The following ZNF521 variants were observed in gnomAD, a reference collection of about 807,000 sequenced individuals.
ZNF521 encodes zinc finger protein 521.
Under a neutral mutation model 105.5 loss-of-function variants are expected in ZNF521, and 14 were observed. The ratio of observed to expected loss-of-function variants is 0.13; its 90% CI spans 0.09 to 0.21. ZNF521 has a LOEUF of 0.21. Ranked by LOEUF, ZNF521 falls within the 10% of genes least tolerant of loss-of-function variation. ZNF521 has a pLI of 1.00. For missense variants in ZNF521, 1,233 were observed against 1,629.7 expected, an observed-to-expected ratio of 0.76 and a Z score of 4.19; for synonymous variants, 635 against 606.0, an observed-to-expected ratio of 1.05 and a Z score of -0.70.
At chr18:25,095,486 T>C (rs2033832695) in intron 5 of ZNF521, among the ~76,000 whole-genome samples, 2 of 152,192 alleles carry the variant, frequency 1.3e-5, no homozygotes, top group East Asian at 1.9e-4. Context: ...TATTTTTTAA[T>C]TAAGAATTAT....
chr18:25,342,669 C>G (rs1431998892), intron 2 of ZNF521, among the ~76,000 whole-genome samples: 1 of 151,996 alleles, frequency 6.6e-6, no homozygotes, highest in Non-Finnish European at 1.5e-5. Flanking sequence ...ACCTCGTGAT[C>G]CGCCCGCCTC....
Position 25,100,012 on chromosome 18 carries a change from C to T in ZNF521, c.3659-7931G>A, listed in dbSNP as rs546049536. On this transcript the variant is annotated intron_variant, in intron 5 of 7. Coordinates refer to ENST00000361524, the MANE Select transcript of ZNF521 (RefSeq NM_015461.3). ...CGCAACACAAGCCATGTGCTGGACA[C>T]GGCACTCATCAGGCATGTTTTCCTG... 6.6e-5 allele frequency among the ~76,000 whole-genome samples: 10 copies of T among 152,192 alleles called. No homozygotes were observed. In the South Asian group the frequency reaches 1.2e-3, roughly 19 times the overall value.
rs147979465 is a variant in ZNF521 at position 25,194,470 on chromosome 18, G to C, written c.3658+690C>G. 2.0e-4 allele frequency among the ~76,000 whole-genome samples: 30 copies of C among 151,656 alleles called. 1 individual carries two copies. The East Asian group carries it at 5.4e-3, about 27-fold the overall frequency. ...ATCCATGAGGAATTAAGAAATAATG[G>C]GACAATATGAATAAGTTAAAAAAAT... On this transcript the variant is annotated intron_variant, in intron 5 of 7. Transcript: ENST00000361524.
chr18:25,223,733 A>G (rs1244907483), intron 4 of ZNF521, among the ~76,000 whole-genome samples: 2 of 151,928 alleles, frequency 1.3e-5, no homozygotes, highest in African/African-American at 2.4e-5. Flanking sequence ...CCCAGAGAGT[A>G]GGCCTCAAAC....
At chr18:25,317,049 G>C (rs1912674008) in intron 3 of ZNF521, among the ~76,000 whole-genome samples, 1 of 151,868 alleles carries the variant, frequency 6.6e-6, no homozygotes, top group South Asian at 2.1e-4. Flanking sequence ...TAGAGACGGG[G>C]TTTCACCATT....
At chr18:25,211,309 T>C (rs1335957253) in intron 4 of ZNF521, among the ~76,000 whole-genome samples, 1 of 152,172 alleles carries the variant, frequency 6.6e-6, no homozygotes, top group Non-Finnish European at 1.5e-5. Flanking sequence ...GTTCTGAGTT[T>C]TGGGAGTTTT....
rs143164903 is a variant in ZNF521, at chr18:25,241,678, C to T, written c.221-13981G>A. Among the ~76,000 whole-genome samples, 154 of 152,230 alleles carry T rather than the reference C, an allele frequency of 1.0e-3. 1 individual carries two copies. The East Asian group carries it at 0.018, about 18-fold the overall frequency. On this transcript the variant is annotated intron_variant, in intron 3 of 7. Coordinates refer to ENST00000361524, the MANE Select transcript of ZNF521 (RefSeq NM_015461.3). ...GTAAGTCAAGGCTATTAAAACATCA[C>T]ATTTATCTTTGTTATAATGAGGGGG...
intron 4 of ZNF521, chr18:25,201,322 T>G (rs2035989283): frequency 6.6e-6 from 1 of 152,172 alleles, no homozygotes; most frequent in African/African-American, 2.4e-5. Flanking sequence ...TTTTTCCCAG[T>G]CTCTTGCTGT....
intron 3 of ZNF521, among the ~76,000 whole-genome samples, chr18:25,238,814 T>C (rs1465409361): frequency 6.6e-6 from 1 of 152,154 alleles, no homozygotes; most frequent in African/African-American, 2.4e-5. Context: ...GAACTGCCTG[T>C]TTAAAATGCA....
At chr18:25,190,071 T>A (rs1019619725) in intron 5 of ZNF521, among the ~76,000 whole-genome samples, 3 of 152,154 alleles carry the variant, frequency 2.0e-5, no homozygotes, top group African/African-American at 7.2e-5. Context: ...AGAAACCCTT[T>A]ATGGGCTTTT....
intron 5 of ZNF521, among the ~76,000 whole-genome samples, chr18:25,103,240 T>C (rs186081448): frequency 5.9e-5 from 9 of 152,268 alleles, no homozygotes; most frequent in Middle Eastern, 3.4e-3. Context: ...TTCCCGATTA[T>C]ACAACCTGTG....
intron 5 of ZNF521, among the ~76,000 whole-genome samples, chr18:25,185,571 T>G (rs1203339969): frequency 6.6e-6 from 1 of 152,164 alleles, no homozygotes; most frequent in Admixed American, 6.6e-5. Flanking sequence ...ACAATCACCC[T>G]TCACTGCAAT....
At chr18:25,286,028 A>G (rs1458330996) in intron 3 of ZNF521, among the ~76,000 whole-genome samples, 3 of 152,206 alleles carry the variant, frequency 2.0e-5, no homozygotes, top group Non-Finnish European at 1.5e-5. Context: ...AGCAGCTCCA[A>G]AAGTGCTGCC....
chr18:25,164,456 G>T (rs1269664914), intron 5 of ZNF521, among the ~76,000 whole-genome samples: 1 of 152,178 alleles, frequency 6.6e-6, no homozygotes, highest in Non-Finnish European at 1.5e-5. Context: ...TTTCAAGAAG[G>T]TTTCATATTT....
chr18:25,198,279 A>G (rs1255771606), intron 4 of ZNF521, among the ~76,000 whole-genome samples: 2 of 151,848 alleles, frequency 1.3e-5, no homozygotes, highest in Non-Finnish European at 2.9e-5. Flanking sequence ...TTTGAGAACA[A>G]TTTAAATGTG....
At chr18:25,172,939 G>A (rs1160272714) in intron 5 of ZNF521, among the ~76,000 whole-genome samples, 1 of 152,174 alleles carries the variant, frequency 6.6e-6, no homozygotes, top group African/African-American at 2.4e-5. Context: ...TCATGTTAAA[G>A]TTGTGTGAAT....
Position 25,138,065 on chromosome 18 carries a change from G to A in ZNF521, c.3659-45984C>T, listed in dbSNP as rs187516329. 3.4e-4 allele frequency among the ~76,000 whole-genome samples: 51 copies of A among 152,196 alleles called. 1 individual carries two copies. The East Asian group carries it at 8.7e-3, about 26-fold the overall frequency. The stretch of plus-strand genomic sequence containing the variant: ...CACCCACTGGGATAGGGCCTCCGCT[G>A]GTAGAACCAGACACAAAACAGTACC... On this transcript the variant is annotated intron_variant, in intron 5 of 7. Coordinates refer to ENST00000361524, the MANE Select transcript of ZNF521 (RefSeq NM_015461.3).
chr18:25,350,339 C>G (rs1914679403), intron 2 of ZNF521, among the ~76,000 whole-genome samples: 1 of 151,952 alleles, frequency 6.6e-6, no homozygotes, highest in Non-Finnish European at 1.5e-5. Context: ...GGCCGGCGGC[C>G]GGGGTCTGTT....
In ZNF521 at chr18:25,308,781, T is replaced by C. The variant is rs559993657; in HGVS notation, c.220+13227A>G. On this transcript the variant is annotated intron_variant, in intron 3 of 7. Transcript: ENST00000361524. ...GATGTTTATTGAACTGAATTGCTGA[T>C]GAATGCATAGTGGTATTGGGAAAAC... 3.9e-5 allele frequency among the ~76,000 whole-genome samples: 6 copies of C among 152,130 alleles called. No homozygotes were observed. The East Asian group carries it at 9.7e-4, about 25-fold the overall frequency.
Sources: gnomAD v4.1 joint callset for allele counts (sites outside exome capture counted in the v4.1 genomes callset) on GRCh38, gnomAD v4.1.1 for gene constraint, MANE v1.5 for transcripts, NCBI Gene and HGNC (gene_info 2026-07-23, HGNC 2026-07-21) for gene names.